The following RGS7 variants were observed in gnomAD, a reference collection of about 807,000 sequenced individuals.
RGS7 encodes regulator of G-protein signaling 7.
RGS7 carries 27 observed loss-of-function variants against 81.1 expected under a neutral mutation model. The observed-to-expected ratio is 0.33, with a 90% CI of 0.25 to 0.46. RGS7 has a LOEUF of 0.46. Among genes scored for constraint, RGS7 ranks in the 20% least tolerant of loss-of-function variants. The pLI is 1.00. For missense variants in RGS7, 396 were observed against 607.4 expected (o/e 0.65, Z 3.66); for synonymous variants, 208 against 207.7 (o/e 1.00, Z -0.01).
chr1:241,289,200 C>T (rs12090898), intron 2 of RGS7, among the ~76,000 whole-genome samples: 32,968 of 152,134 alleles, frequency 0.22, 4,046 homozygotes, highest in Non-Finnish European at 0.27. Flanking sequence ...TGTGATCCAG[C>T]TCCTGCCTCT....
chr1:241,345,319 T>C (rs958800449), intron 2 of RGS7, among the ~76,000 whole-genome samples: 1 of 152,104 alleles, frequency 6.6e-6, no homozygotes, highest in African/African-American at 2.4e-5. Flanking sequence ...GAAGAAATAA[T>C]CTGTACAACA....
chr1:241,223,230 T>C (rs372782998), intron 2 of RGS7, among the ~76,000 whole-genome samples: 3 of 152,304 alleles, frequency 2.0e-5, no homozygotes, highest in African/African-American at 7.2e-5. Context: ...CATCAAGTAA[T>C]GCTGGCAGCT....
In RGS7 at chr1:241,258,628, G is replaced by A. The variant is rs201779485; in HGVS notation, c.78+97071C>T. On this transcript the variant is annotated intron_variant, in intron 2 of 18. Transcript: ENST00000440928. ...CTTATTCTATGCTTCTATTAGTAAA[G>A]ACCAAGGTCACACAAGTCAGACCAC... 6.6e-5 allele frequency among the ~76,000 whole-genome samples: 10 copies of A among 152,272 alleles called. No individual in the cohort carries two copies. In the East Asian group the frequency reaches 1.9e-3, roughly 29 times the overall value.
chr1:241,270,781 G>A (rs1343588747), intron 2 of RGS7, among the ~76,000 whole-genome samples: 7 of 148,670 alleles, frequency 4.7e-5, no homozygotes, highest in East Asian at 2.0e-4. Context: ...TTCTTGAGAC[G>A]GAGTCTCGCT....
chr1:241,013,424 A>C (rs2059072354), intron 3 of RGS7, among the ~76,000 whole-genome samples: 1 of 152,178 alleles, frequency 6.6e-6, no homozygotes, highest in Non-Finnish European at 1.5e-5. Flanking sequence ...GAATGTTCAC[A>C]CATTTGAATA....
intron 10 of RGS7, among the ~76,000 whole-genome samples, chr1:240,826,145 C>T (rs890798877): frequency 7.2e-4 from 110 of 152,280 alleles, no homozygotes; most frequent in Middle Eastern, 3.4e-3. Flanking sequence ...GGTCTGGCTT[C>T]GCCTCTCTCT....
chr1:240,954,254 A>T (rs532786888), intron 4 of RGS7, among the ~76,000 whole-genome samples: 15 of 152,124 alleles, frequency 9.9e-5, no homozygotes, highest in Admixed American at 5.2e-4. Context: ...AGCTAATTGT[A>T]AAGCCAGCAT....
chr1:241,295,200 G>A (rs966325794), intron 2 of RGS7, among the ~76,000 whole-genome samples: 13 of 152,086 alleles, frequency 8.5e-5, no homozygotes, highest in African/African-American at 2.9e-4. Flanking sequence ...TGTAATCCCA[G>A]CACTTTGGGA....
chr1:241,078,301 C>G (rs936318921), intron 3 of RGS7, among the ~76,000 whole-genome samples: 19 of 130,270 alleles, frequency 1.5e-4, no homozygotes, highest in Admixed American at 6.4e-4. Flanking sequence ...CTTCTGGTCT[C>G]TGTGTGTGTG....
At chr1:240,991,020 A>G (rs1686378184) in intron 3 of RGS7, among the ~76,000 whole-genome samples, 1 of 152,224 alleles carries the variant, frequency 6.6e-6, no homozygotes, top group Admixed American at 6.5e-5. Context: ...TATAACTTGA[A>G]TCTTCAAATC....
At chr1:240,812,517 C>T (rs1366207049) in intron 13 of RGS7, among the ~76,000 whole-genome samples, 1 of 151,070 alleles carries the variant, frequency 6.6e-6, no homozygotes, top group Non-Finnish European at 1.5e-5. Flanking sequence ...TCACTGCAAC[C>T]TCCACCTCCC....
At chr1:240,970,664 CAA>C (rs750510007) in intron 4 of RGS7, among the ~76,000 whole-genome samples, 1 of 152,064 alleles carries the variant, frequency 6.6e-6, no homozygotes, top group Non-Finnish European at 1.5e-5. Context: ...AAGAGGCCAC[CAA>C]AAGAGAGATT....
At position 240,969,193 on chromosome 1, in the gene RGS7, C is replaced by T. The variant is rs6429228; in HGVS notation, c.226+13886G>A. Among the ~76,000 whole-genome samples, 1,023 of 152,230 alleles carry T rather than the reference C, an allele frequency of 6.7e-3. 16 individuals carry two copies. Among genetic ancestry groups the T allele is most frequent in the African/African-American group, 0.023 (973 of 41,542 alleles). ...TTTTCTTTTCGTCTATTCTTCTTCC[C>T]TTCTTCCTTTTTAAGGAAAGTTGCT... On this transcript the variant is annotated intron_variant, in intron 4 of 18. Transcript: ENST00000440928.
intron 3 of RGS7, among the ~76,000 whole-genome samples, chr1:241,063,499 A>G (rs963962845): frequency 2.0e-5 from 3 of 152,234 alleles, no homozygotes; most frequent in African/African-American, 7.2e-5. Context: ...CCCAAGAGGC[A>G]GGTGATTTAG....
At chr1:241,272,287 C>T (rs2077957408) in intron 2 of RGS7, among the ~76,000 whole-genome samples, 1 of 152,096 alleles carries the variant, frequency 6.6e-6, no homozygotes, top group Admixed American at 6.5e-5. Context: ...GCCACTGTGC[C>T]CGGCCTGACT....
intron 18 of RGS7, among the ~76,000 whole-genome samples, chr1:240,792,065 T>C (rs1373792768): frequency 1.3e-5 from 2 of 152,130 alleles, no homozygotes; most frequent in African/African-American, 2.4e-5. Flanking sequence ...TGTACCATAA[T>C]ATGAGATTCA....
chr1:240,911,208 T>C (rs1671696562), intron 6 of RGS7, among the ~76,000 whole-genome samples: 1 of 152,160 alleles, frequency 6.6e-6, no homozygotes, highest in South Asian at 2.1e-4. Context: ...CATTTACATC[T>C]TGCAGGGAGG....
chr1:240,875,568 C>T (rs1665263437), intron 6 of RGS7, among the ~76,000 whole-genome samples: 2 of 152,078 alleles, frequency 1.3e-5, no homozygotes, highest in South Asian at 4.1e-4. Flanking sequence ...ATTGCTGGAT[C>T]CTATGGTAGT....
intron 18 of RGS7, among the ~76,000 whole-genome samples, chr1:240,798,492 A>G (rs1343529274): frequency 6.6e-6 from 1 of 152,112 alleles, no homozygotes; most frequent in African/African-American, 2.4e-5. Context: ...GGCAAGGTTT[A>G]TTTATTTTTT....
Sources: allele counts gnomAD v4.1 joint callset (sites outside exome capture counted in the v4.1 genomes callset), GRCh38; gene constraint gnomAD v4.1.1; transcripts MANE v1.5; gene names NCBI Gene and HGNC (gene_info 2026-07-23, HGNC 2026-07-21).